Variants in GSE1 observed in about 807,000 individuals in gnomAD.
GSE1 encodes Gse1 coiled-coil protein, also known as genetic suppressor element 1.
In GSE1, 32 loss-of-function variants were observed where a neutral mutation model predicts 112.6. The observed-to-expected ratio is 0.28, with a 90% CI of 0.21 to 0.38. The LOEUF (loss-of-function observed/expected upper bound fraction) is 0.38, where lower values mean the gene tolerates loss of function less well. GSE1 is among the 10% of genes least tolerant of loss of function. The pLI is 1.00. For missense variants in GSE1, 2,348 were observed against 1,699.2 expected (o/e 1.38, Z -6.71); for synonymous variants, 1,115 against 735.6 (o/e 1.52, Z -8.35).
chr16:85,203,942 T>G (rs1318934677), intron 1 of GSE1, among the ~76,000 whole-genome samples: 2 of 152,164 alleles, frequency 1.3e-5, no homozygotes, highest in Non-Finnish European at 2.9e-5. Flanking sequence ...TCTCACTTTT[T>G]GTATTTTTTG....
chr16:85,412,934 A>G (rs2048613890), intron 2 of GSE1, among the ~76,000 whole-genome samples: 1 of 152,196 alleles, frequency 6.6e-6, no homozygotes, highest in African/African-American at 2.4e-5. Flanking sequence ...GTGTGACTGT[A>G]TTGACCATGT....
At chr16:85,243,553 G>T (rs1905331535) in intron 1 of GSE1, among the ~76,000 whole-genome samples, 1 of 152,208 alleles carries the variant, frequency 6.6e-6, no homozygotes, top group African/African-American at 2.4e-5. Flanking sequence ...GGCGGGGCTG[G>T]GAAATAAACC....
At chr16:85,546,714 C>T (rs981014542) in intron 2 of GSE1, among the ~76,000 whole-genome samples, 1 of 152,254 alleles carries the variant, frequency 6.6e-6, no homozygotes, top group Non-Finnish European at 1.5e-5. Context: ...CTCCCACATT[C>T]TCTTGGCCAG....
At chr16:85,482,325 T>G (rs1193082700) in intron 2 of GSE1, among the ~76,000 whole-genome samples, 2 of 152,208 alleles carry the variant, frequency 1.3e-5, no homozygotes, top group Non-Finnish European at 2.9e-5. Context: ...CTTGCGTGCT[T>G]CCTGGAGGAG....
chr16:85,555,361 G>A (rs1259102013), upstream of GSE1: 26 of 984,886 alleles, frequency 2.6e-5, no homozygotes, highest in Non-Finnish European at 3.1e-5. Flanking sequence ...CTGAGTCAGT[G>A]GTGGGACGCC....
intron 2 of GSE1, among the ~76,000 whole-genome samples, chr16:85,468,092 C>T (rs927943422): frequency 2.3e-4 from 35 of 152,174 alleles, no homozygotes; most frequent in African/African-American, 7.7e-4. Context: ...CCACAGCCCA[C>T]CTCAGCCTTG....
intron 1 of GSE1, among the ~76,000 whole-genome samples, chr16:85,309,446 A>ATCACAC (rs1346024932): frequency 1.3e-5 from 2 of 152,170 alleles, no homozygotes; most frequent in African/African-American, 4.8e-5. Context: ...ATGAGCCATG[A>ATCACAC]TCACACCACT....
At chr16:85,567,608 G>A (rs993070550) in intron 1 of GSE1, among the ~76,000 whole-genome samples, 6 of 152,070 alleles carry the variant, frequency 3.9e-5, no homozygotes, top group Non-Finnish European at 8.8e-5. Flanking sequence ...CAAGCGGAAA[G>A]CTGCACGGCC....
chr16:85,328,415 G>A (rs911210433), intron 1 of GSE1, among the ~76,000 whole-genome samples: 1 of 152,224 alleles, frequency 6.6e-6, no homozygotes, highest in East Asian at 1.9e-4. Flanking sequence ...AGGCACAGCG[G>A]GGGCCGGAGG....
intron 1 of GSE1, among the ~76,000 whole-genome samples, chr16:85,589,892 ATG>A (rs1388170584): frequency 1.3e-5 from 2 of 151,724 alleles, no homozygotes; most frequent in Admixed American, 6.6e-5. Context: ...GTGTGAAGGA[ATG>A]TGTGTGATGT....
Position 85,666,295 on chromosome 16 carries a change from G to C in GSE1, c.3078G>C (p.Gln1026His). Residue 1026 changes from glutamine (Q) to histidine (H), a missense_variant, in exon 13 of 16, where the codon CAG (glutamine) becomes CAC (histidine). Physicochemically the swap from Gln to His is conservative, Grantham distance 24. Coordinates refer to ENST00000253458, the MANE Select transcript of GSE1 (RefSeq NM_014615.5). ...EPFVAEEFAH[Q>H]FHESVLQSTQ... ...TTGTGGCAGAAGAGTTTGCACATCA[G>C]TTCCACGAGTCAGTGCTGCAGTCCA... The C allele has an allele frequency of 6.2e-7, 1 of 1,613,908 alleles. No homozygotes were observed. Among genetic ancestry groups the C allele is most frequent in the Non-Finnish European group, 8.5e-7 (1 of 1,180,016 alleles).
At chr16:85,449,023 A>G (rs973017100) in intron 2 of GSE1, among the ~76,000 whole-genome samples, 8 of 152,172 alleles carry the variant, frequency 5.3e-5, no homozygotes, top group South Asian at 2.1e-4. Flanking sequence ...TCAGGCGTCA[A>G]TATTGACTCT....
intron 1 of GSE1, among the ~76,000 whole-genome samples, chr16:85,344,516 G>T (rs937158469): frequency 1.3e-5 from 2 of 152,062 alleles, no homozygotes; most frequent in Admixed American, 1.3e-4. Context: ...GGGCACATTT[G>T]ATGGGCACCA....
At position 85,353,870 on chromosome 16, in the gene GSE1, T is replaced by A. The variant is rs561039642; in HGVS notation, c.2284-3593T>A. ...CGGGGATGTGTGTTCCAACCTCCTG[T>A]CCTAGACCACGAGCCCCTTGAGGAA... On this transcript the variant is annotated intron_variant, in intron 1 of 2. Coordinates refer to the GSE1 transcript ENST00000637419. 9.8e-5 allele frequency among the ~76,000 whole-genome samples: 15 copies of A among 152,316 alleles called. 1 individual carries two copies. The South Asian group carries it at 3.1e-3, about 32-fold the overall frequency.
intron 1 of GSE1, among the ~76,000 whole-genome samples, chr16:85,208,581 G>A (rs983358831): frequency 5.9e-5 from 9 of 152,022 alleles, no homozygotes; most frequent in Non-Finnish European, 7.4e-5. Context: ...ACCAGGGACC[G>A]CAAACTCTGT....
intron 2 of GSE1, among the ~76,000 whole-genome samples, chr16:85,442,013 C>T (rs984043859): frequency 2.0e-5 from 3 of 152,248 alleles, no homozygotes; most frequent in African/African-American, 7.2e-5. Context: ...TCATCTCCAC[C>T]TCCACGTGGG....
rs2051773021 is a variant in GSE1, at chr16:85,654,835, T to A, written c.641T>A (p.Val214Glu). ...CACCACGTGGTGCCCCCCAGTACCG[T>A]GACCGAGGACTACCTGAGAAGCTTC... ...PVHHVVPPST[V>E]TEDYLRSFRP... Residue 214 changes from valine to glutamate, a missense_variant, in exon 5 of 16, where the codon GTG (valine) becomes GAG (glutamate). Physicochemically the swap from Val to Glu is moderately radical, Grantham distance 121. Coordinates refer to ENST00000253458, the MANE Select transcript of GSE1 (RefSeq NM_014615.5). The A allele has an allele frequency of 6.2e-7, 1 of 1,611,854 alleles. No individual in the cohort carries two copies. Among genetic ancestry groups the A allele is most frequent in the Non-Finnish European group, 8.5e-7 (1 of 1,179,604 alleles).
intron 1 of GSE1, among the ~76,000 whole-genome samples, chr16:85,578,708 G>A (rs1489649962): frequency 1.3e-5 from 2 of 151,332 alleles, no homozygotes; most frequent in African/African-American, 4.9e-5. Flanking sequence ...GTAAAAGCCA[G>A]CATTCTCTGC....
intron 2 of GSE1, among the ~76,000 whole-genome samples, chr16:85,481,338 T>C (rs2050676219): frequency 6.6e-6 from 1 of 152,228 alleles, no homozygotes; most frequent in Admixed American, 6.5e-5. Context: ...TGGGAGAGCT[T>C]GTACCAGGCT....
Sources: gnomAD v4.1 joint callset for allele counts (sites outside exome capture counted in the v4.1 genomes callset) on GRCh38, gnomAD v4.1.1 for gene constraint, MANE v1.5 for transcripts, NCBI Gene and HGNC (gene_info 2026-07-23, HGNC 2026-07-21) for gene names.